The following GHR variants were observed in gnomAD, a reference collection of about 807,000 sequenced individuals.
GHR encodes the protein GH receptor.
GHR carries 35 observed loss-of-function variants against 67.1 expected under a neutral mutation model. The observed-to-expected ratio is 0.52, with a 90% confidence interval of 0.40 to 0.69. GHR has a LOEUF of 0.69. GHR is among the 30% of genes least tolerant of loss of function. The probability of loss-of-function intolerance (pLI) is 0.00; values close to 1 mark genes in which losing one functional copy is unlikely to be tolerated. For synonymous variants in GHR, 272 were observed against 269.1 expected, an observed-to-expected ratio of 1.01 and a Z score of -0.10; for missense variants, 792 against 764.6, an observed-to-expected ratio of 1.04 and a Z score of -0.42.
At chr5:42,472,443 C>T (rs1427506377) in intron 1 of GHR, among the ~76,000 whole-genome samples, 3 of 152,144 alleles carry the variant, frequency 2.0e-5, no homozygotes, top group Non-Finnish European at 4.4e-5. Flanking sequence ...GGCTTCAAGT[C>T]TAGATGAAAT....
At chr5:42,661,439 G>A (rs1361495477) in intron 3 of GHR, among the ~76,000 whole-genome samples, 1 of 152,112 alleles carries the variant, frequency 6.6e-6, no homozygotes, top group East Asian at 1.9e-4. Flanking sequence ...AAGAGAGTGG[G>A]GGCCAATATT....
chr5:42,441,190 A>G (rs961488431), intron 1 of GHR, among the ~76,000 whole-genome samples: 1 of 152,192 alleles, frequency 6.6e-6, no homozygotes, highest in African/African-American at 2.4e-5. Flanking sequence ...GGAAAAGTTG[A>G]CAAGAGTGGG....
At chr5:42,558,136 C>T (rs1459193871) in intron 1 of GHR, among the ~76,000 whole-genome samples, 3 of 152,158 alleles carry the variant, frequency 2.0e-5, no homozygotes, top group African/African-American at 7.2e-5. Flanking sequence ...CAAATCGGGA[C>T]ATAATAATTG....
chr5:42,713,500 T>C lies in GHR; in HGVS notation c.856T>C (p.Leu286=). The change falls in exon 8 of 10, where the codon TTA becomes CTA. Residue 286 remains leucine, a synonymous_variant. Transcript: ENST00000230882. The part of the protein sequence containing the change: ...FGLTVMLFVF[L]FSKQQRIKML... ...GCTAACAGTGATGCTATTTGTATTC[T>C]TATTTTCTAAACAGCAAAGGTAGGT... is the stretch of plus-strand genomic sequence containing the variant. 1 of 1,440,880 alleles carries C rather than the reference T, an allele frequency of 6.9e-7. No individual in the cohort carries two copies. The allele number at this position is 1,440,880 out of a possible 1,614,324, so 89.3% of individuals were successfully genotyped here. A position where few individuals can be genotyped will look rare whatever the true frequency, so the allele number is the denominator to read the frequency against.
At chr5:42,513,788 A>G (rs1170254949) in intron 1 of GHR, among the ~76,000 whole-genome samples, 2 of 152,110 alleles carry the variant, frequency 1.3e-5, no homozygotes, top group South Asian at 2.1e-4. Flanking sequence ...GTCTCAAAAA[A>G]AAAAAGCTTC....
chr5:42,501,229 G>A (rs1337131483), intron 1 of GHR, among the ~76,000 whole-genome samples: 4 of 152,084 alleles, frequency 2.6e-5, no homozygotes, highest in South Asian at 4.1e-4. Context: ...GTATTGCTCC[G>A]GTAGGTTCAA....
chr5:42,563,596 G>A (rs954657861), intron 1 of GHR, among the ~76,000 whole-genome samples: 4 of 137,218 alleles, frequency 2.9e-5, no homozygotes, highest in Admixed American at 8.2e-5. Flanking sequence ...CCGCAGTCCC[G>A]CCTGGGCGAC....
chr5:42,569,585 C>T (rs376384248), intron 2 of GHR, among the ~76,000 whole-genome samples: 2 of 152,100 alleles, frequency 1.3e-5, no homozygotes, highest in East Asian at 3.9e-4. Flanking sequence ...GCGCTACCTG[C>T]ATGATGGAAT....
At chr5:42,520,369 A>G (rs979786679) in intron 1 of GHR, among the ~76,000 whole-genome samples, 6 of 152,180 alleles carry the variant, frequency 3.9e-5, no homozygotes, top group African/African-American at 1.4e-4. Context: ...CTGAACAATC[A>G]GGAAAAGCTT....
intron 1 of GHR, among the ~76,000 whole-genome samples, chr5:42,501,769 C>T (rs986622604): frequency 6.6e-6 from 1 of 152,266 alleles, no homozygotes; most frequent in Non-Finnish European, 1.5e-5. Context: ...GATTTTTAAA[C>T]ACAAAAGTGT....
At chr5:42,689,091 C>A in intron 4 of GHR, 72 bp downstream of exon 4, 1 of 1,272,018 alleles carries the variant, frequency 7.9e-7, no homozygotes, top group Non-Finnish European at 1.2e-6. Flanking sequence ...GTCAGATGTA[C>A]TGTGGGAATG....
At chr5:42,571,968 G>A (rs1454756203) in intron 2 of GHR, among the ~76,000 whole-genome samples, 2 of 152,196 alleles carry the variant, frequency 1.3e-5, no homozygotes, top group African/African-American at 4.8e-5. Context: ...AGAAGTCCAT[G>A]TTGGCCTTTA....
intron 3 of GHR, among the ~76,000 whole-genome samples, chr5:42,633,519 C>T (rs1233204367): frequency 1.3e-5 from 2 of 152,056 alleles, no homozygotes; most frequent in Non-Finnish European, 1.5e-5. Flanking sequence ...TGTCCAGGTC[C>T]GTATACATTC....
intron 1 of GHR, among the ~76,000 whole-genome samples, chr5:42,529,933 A>G (rs1207537462): frequency 6.6e-6 from 1 of 152,018 alleles, no homozygotes; most frequent in Non-Finnish European, 1.5e-5. Flanking sequence ...CTAAAGAGAA[A>G]TAGAATGAAC....
intron 2 of GHR, among the ~76,000 whole-genome samples, chr5:42,586,262 A>G (rs1035025207): frequency 6.6e-6 from 1 of 151,952 alleles, no homozygotes; most frequent in Non-Finnish European, 1.5e-5. Flanking sequence ...CTTCCTCCCA[A>G]CTTAAGAATT....
At chr5:42,535,111 C>T (rs914544945) in intron 1 of GHR, among the ~76,000 whole-genome samples, 10 of 152,028 alleles carry the variant, frequency 6.6e-5, no homozygotes, top group Non-Finnish European at 1.2e-4. Flanking sequence ...CTGTGGGTTG[C>T]CCATTTACTC....
chr5:42,624,473 G>A (rs2112725569), intron 2 of GHR, among the ~76,000 whole-genome samples: 1 of 152,242 alleles, frequency 6.6e-6, no homozygotes, highest in East Asian at 1.9e-4. Context: ...ATGTTTATGT[G>A]CTATCCCATG....
intron 1 of GHR, among the ~76,000 whole-genome samples, chr5:42,473,069 A>G (rs1261382915): frequency 6.6e-6 from 1 of 152,212 alleles, no homozygotes; most frequent in Non-Finnish European, 1.5e-5. Flanking sequence ...ACCTAAAGAT[A>G]ATATTTTTCT....
intron 6 of GHR, among the ~76,000 whole-genome samples, chr5:42,703,842 G>T (rs563416173): frequency 2.4e-4 from 37 of 151,652 alleles, no homozygotes; most frequent in African/African-American, 7.5e-4. Context: ...TTCTCAGATT[G>T]TTCCTTATTA....
Sources: gnomAD v4.1 joint callset for allele counts (sites outside exome capture counted in the v4.1 genomes callset) on GRCh38, gnomAD v4.1.1 for gene constraint, MANE v1.5 for transcripts, NCBI Gene and HGNC (gene_info 2026-07-23, HGNC 2026-07-21) for gene names.